Variants in UVRAG observed in about 807,000 individuals in gnomAD.
UVRAG encodes the protein UV radiation resistance associated, also known as UV radiation resistance-associated gene protein.
UVRAG carries 19 observed loss-of-function variants against 78.0 expected under a neutral mutation model. The observed-to-expected ratio is 0.24, with a 90% confidence interval of 0.17 to 0.36. UVRAG has a LOEUF of 0.36. Ranked by LOEUF, UVRAG falls within the 10% of genes least tolerant of loss-of-function variation. The probability of loss-of-function intolerance (pLI) is 1.00; values close to 1 mark genes in which losing one functional copy is unlikely to be tolerated. For synonymous variants in UVRAG, 323 were observed against 324.6 expected (o/e 1.00, Z 0.05); for missense variants, 740 against 853.8 (o/e 0.87, Z 1.66).
intron 5 of UVRAG, among the ~76,000 whole-genome samples, chr11:75,909,776 ATG>A (rs1470030514): frequency 6.6e-6 from 1 of 152,126 alleles, no homozygotes; most frequent in African/African-American, 2.4e-5. Flanking sequence ...AATCTTTATA[ATG>A]TATTGCTGGT....
chr11:76,092,715 T>A (rs1302587452), intron 13 of UVRAG, among the ~76,000 whole-genome samples: 4 of 152,140 alleles, frequency 2.6e-5, no homozygotes, highest in South Asian at 2.1e-4. Context: ...GTTTGAGTTC[T>A]TTGTAGATTC....
intron 12 of UVRAG, among the ~76,000 whole-genome samples, chr11:76,049,002 A>G (rs1467479457): frequency 1.3e-5 from 2 of 152,262 alleles, no homozygotes; most frequent in Non-Finnish European, 2.9e-5. Flanking sequence ...GCAAGCGCAC[A>G]GTATCATATC....
At chr11:75,849,163 G>C (rs561110038) in intron 1 of UVRAG, among the ~76,000 whole-genome samples, 5 of 151,746 alleles carry the variant, frequency 3.3e-5, no homozygotes, top group South Asian at 2.1e-4. Context: ...GGGCGAGACA[G>C]AGCGAGACTC....
At chr11:76,063,674 T>C (rs927829119) in intron 12 of UVRAG, among the ~76,000 whole-genome samples, 1 of 152,216 alleles carries the variant, frequency 6.6e-6, no homozygotes, top group Non-Finnish European at 1.5e-5. Flanking sequence ...ATAGGAAATA[T>C]ATAGTTCATC....
chr11:76,049,845 C>A (rs1332420909), intron 12 of UVRAG, among the ~76,000 whole-genome samples: 1 of 152,188 alleles, frequency 6.6e-6, no homozygotes, highest in East Asian at 1.9e-4. Flanking sequence ...AGGGATTGTA[C>A]AGGGTTCGTG....
At chr11:75,819,441 G>A (rs143565981) in intron 1 of UVRAG, among the ~76,000 whole-genome samples, 1 of 151,844 alleles carries the variant, frequency 6.6e-6, no homozygotes, top group African/African-American at 2.4e-5. Context: ...TGCCCCTCCC[G>A]GGTTCAAGCA....
chr11:76,121,387 T>C (rs1389979470), intron 14 of UVRAG, among the ~76,000 whole-genome samples: 1 of 152,224 alleles, frequency 6.6e-6, no homozygotes, highest in African/African-American at 2.4e-5. Context: ...GAATCTGTGC[T>C]CTTTTGAATA....
chr11:75,928,588 G>T (rs1289548432), intron 6 of UVRAG, among the ~76,000 whole-genome samples: 7 of 151,288 alleles, frequency 4.6e-5, no homozygotes, highest in Non-Finnish European at 7.4e-5. Context: ...AACATAGTGA[G>T]ACCCTGCCTC....
At chr11:75,875,830 T>C (rs1006387702) in intron 3 of UVRAG, among the ~76,000 whole-genome samples, 2 of 152,096 alleles carry the variant, frequency 1.3e-5, no homozygotes, top group Non-Finnish European at 2.9e-5. Context: ...TTTTTAGTCA[T>C]GGATGGGACC....
At chr11:75,957,078 A>G (rs1948813358) in intron 6 of UVRAG, among the ~76,000 whole-genome samples, 1 of 151,494 alleles carries the variant, frequency 6.6e-6, no homozygotes, top group South Asian at 2.1e-4. Flanking sequence ...TTAAAGTCTA[A>G]TTTATTCCTT....
Position 76,010,818 on chromosome 11 carries a change from G to C in UVRAG, c.1060+1951G>C, listed in dbSNP as rs371115979. On this transcript the variant is annotated intron_variant, in intron 11 of 14. Coordinates refer to ENST00000356136, the MANE Select transcript of UVRAG (RefSeq NM_003369.4). ...TGCAGCTGGAGCATAGTGAGCGAGG[G>C]AAGAGCTACGTTAGAAGAGGTAGGA... Among the ~76,000 whole-genome samples the C allele has an allele frequency of 1.4e-4, 22 of 152,318 alleles. No individual in the cohort carries two copies. In the South Asian group the frequency reaches 4.1e-3, roughly 29 times the overall value.
intron 1 of UVRAG, among the ~76,000 whole-genome samples, chr11:75,833,503 A>G (rs1179060430): frequency 6.6e-6 from 1 of 152,174 alleles, no homozygotes; most frequent in Non-Finnish European, 1.5e-5. Flanking sequence ...ATTCTATTTC[A>G]TATCCATAGC....
intron 13 of UVRAG, among the ~76,000 whole-genome samples, chr11:76,099,386 T>C (rs942310876): frequency 6.6e-6 from 1 of 152,180 alleles, no homozygotes; most frequent in Non-Finnish European, 1.5e-5. Flanking sequence ...TTTGTTAGGG[T>C]TCTTATGATA....
intron 6 of UVRAG, chr11:75,914,215 C>T (rs999899849): frequency 1.4e-4 from 21 of 152,214 alleles, no homozygotes; most frequent in African/African-American, 5.1e-4. Flanking sequence ...CCTCTTTTCC[C>T]ATAGTGTTTG....
intron 14 of UVRAG, among the ~76,000 whole-genome samples, chr11:76,134,886 C>T (rs1188560263): frequency 1.2e-4 from 18 of 152,158 alleles, no homozygotes; most frequent in Admixed American, 1.1e-3. Flanking sequence ...GACTTTTACC[C>T]GTCTGTGGCC....
intron 12 of UVRAG, among the ~76,000 whole-genome samples, chr11:76,027,380 ATTAG>A (rs768679061): frequency 2.8e-4 from 43 of 152,262 alleles, no homozygotes; most frequent in African/African-American, 4.3e-4. Context: ...AATCACACTT[ATTAG>A]TTAGTTCATT....
intron 14 of UVRAG, among the ~76,000 whole-genome samples, chr11:76,140,214 G>A (rs1242450925): frequency 6.7e-6 from 1 of 149,140 alleles, no homozygotes; most frequent in Non-Finnish European, 1.5e-5. Flanking sequence ...AAGGTTGTTG[G>A]TCATGAAATC....
intron 1 of UVRAG, among the ~76,000 whole-genome samples, chr11:75,823,065 C>T (rs1945434575): frequency 6.6e-6 from 1 of 152,142 alleles, no homozygotes; most frequent in Non-Finnish European, 1.5e-5. Flanking sequence ...GGCGTTGTGT[C>T]TGGAACTGGG....
At chr11:75,944,947 A>C (rs560179601) in intron 6 of UVRAG, among the ~76,000 whole-genome samples, 25 of 152,188 alleles carry the variant, frequency 1.6e-4, no homozygotes, top group Non-Finnish European at 3.1e-4. Flanking sequence ...ATCAATAATC[A>C]GTGAGATATT....
Sources: allele counts gnomAD v4.1 joint callset (sites outside exome capture counted in the v4.1 genomes callset), GRCh38; gene constraint gnomAD v4.1.1; transcripts MANE v1.5; gene names NCBI Gene and HGNC (gene_info 2026-07-23, HGNC 2026-07-21).